TRHDE: variants seen among roughly 807,000 people sequenced by gnomAD.
TRHDE encodes thyrotropin releasing hormone degrading enzyme, also known as thyrotropin-releasing hormone-degrading ectoenzyme.
A neutral mutation model predicts 125.7 loss-of-function variants in TRHDE; 72 were observed. That is an observed-to-expected ratio of 0.57 (90% CI 0.47 to 0.70). TRHDE has a LOEUF of 0.70. TRHDE is among the 30% of genes least tolerant of loss of function. TRHDE has a pLI of 0.00. For missense variants in TRHDE, 1,110 were observed against 1,327.1 expected (o/e 0.84, Z 2.54); for synonymous variants, 509 against 509.1 (o/e 1.00, Z 0.00).
chr12:72,396,187 A>G (rs1379511497), intron 3 of TRHDE, among the ~76,000 whole-genome samples: 1 of 152,198 alleles, frequency 6.6e-6, no homozygotes, highest in Non-Finnish European at 1.5e-5. Flanking sequence ...AGGCTTCAAT[A>G]TACCCTGTTT....
At chr12:72,178,724 A>T (rs145595815) in intron 2 of TRHDE, among the ~76,000 whole-genome samples, 1 of 152,222 alleles carries the variant, frequency 6.6e-6, no homozygotes, top group East Asian at 1.9e-4. Flanking sequence ...ACTTTCTACT[A>T]CTTCTAATAC....
chr12:72,176,848 G>T (rs1241778958), intron 2 of TRHDE, among the ~76,000 whole-genome samples: 1 of 152,178 alleles, frequency 6.6e-6, no homozygotes, highest in African/African-American at 2.4e-5. Context: ...TGATACCAAG[G>T]TTGCTGTGGA....
rs540439068 is a variant in TRHDE, at chr12:72,637,799, T to C, written c.2676-14523T>C. Among the ~76,000 whole-genome samples, 53 of 152,200 alleles carry C rather than the reference T, an allele frequency of 3.5e-4. 1 individual carries two copies. In the South Asian group the frequency reaches 7.7e-3, roughly 22 times the overall value. ...TCAGGAGCAGGTTGTTCAGTTTCCATGTAGTTGAGTGGTTTTGAGTGAGAT... is the reference window on the plus strand; with the variant it reads ...TCAGGAGCAGGTTGTTCAGTTTCCACGTAGTTGAGTGGTTTTGAGTGAGAT... On this transcript the variant is annotated intron_variant, in intron 15 of 18. Transcript: ENST00000261180.
At chr12:72,353,439 A>G (rs1348644571) in intron 2 of TRHDE, among the ~76,000 whole-genome samples, 2 of 151,548 alleles carry the variant, frequency 1.3e-5, no homozygotes, top group Non-Finnish European at 3.0e-5. Context: ...AAATAAAAGT[A>G]AAAAATATAG....
chr12:72,272,630 G>C lies in TRHDE; in HGVS notation c.-14G>C. ...GGTGCCAGAGGGGGCGGGGGAGGAG[G>C]AGGAGGCGGTGTGATGGCCCTGGAC... On this transcript the variant is annotated 5_prime_UTR_variant, in exon 1 of 19. Coordinates refer to ENST00000261180, the MANE Select transcript of TRHDE (RefSeq NM_013381.3). The surrounding 1 kb of genome is among the most constrained non-coding windows in gnomAD (Gnocchi z 6.7). 2.1e-6 allele frequency: 2 copies of C among 953,148 alleles called. No homozygotes were observed. The highest frequency in any genetic ancestry group is 3.0e-6 in the Non-Finnish European group (2 of 669,250). 59.0% of individuals were successfully genotyped at this position (953,148 alleles called of 1,614,324 possible). A position where few individuals can be genotyped will look rare whatever the true frequency, so the allele number is the denominator to read the frequency against.
chr12:72,187,585 A>G (rs1185998946), intron 2 of TRHDE, among the ~76,000 whole-genome samples: 2 of 152,038 alleles, frequency 1.3e-5, no homozygotes, highest in Non-Finnish European at 1.5e-5. Context: ...CCCAAGAATC[A>G]GGAACACTGA....
chr12:72,285,154 C>T (rs866966647), intron 1 of TRHDE, among the ~76,000 whole-genome samples: 7 of 152,170 alleles, frequency 4.6e-5, no homozygotes, highest in African/African-American at 1.7e-4. Flanking sequence ...ATTTATACCT[C>T]ATGCTTTGAG....
At chr12:72,537,551 A>G (rs1310656393) in intron 6 of TRHDE, among the ~76,000 whole-genome samples, 1 of 152,090 alleles carries the variant, frequency 6.6e-6, no homozygotes, top group African/African-American at 2.4e-5. Flanking sequence ...CTGTGAGTCA[A>G]CTAAACCTCT....
intron 5 of TRHDE, among the ~76,000 whole-genome samples, chr12:72,478,415 AT>A (rs1876997346): frequency 6.6e-6 from 1 of 152,028 alleles, no homozygotes; most frequent in South Asian, 2.1e-4. Context: ...AGGCTATTTT[AT>A]TTTTACTCAA....
chr12:72,323,375 A>G (rs1419526621), intron 2 of TRHDE, among the ~76,000 whole-genome samples: 2 of 152,146 alleles, frequency 1.3e-5, no homozygotes, highest in Non-Finnish European at 2.9e-5. Flanking sequence ...GTTCCTTAGA[A>G]TGTGTTCCAA....
At chr12:72,538,741 A>G (rs1317019882) in intron 6 of TRHDE, among the ~76,000 whole-genome samples, 1 of 151,952 alleles carries the variant, frequency 6.6e-6, no homozygotes, top group Non-Finnish European at 1.5e-5. Flanking sequence ...TAATGTCATC[A>G]TCCACTCTAG....
intron 2 of TRHDE, among the ~76,000 whole-genome samples, chr12:72,175,772 A>G (rs1459548394): frequency 2.6e-5 from 4 of 152,240 alleles, no homozygotes; most frequent in Admixed American, 6.5e-5. Context: ...ATGAGTGTGA[A>G]TTATGAAGAT....
intron 1 of TRHDE, among the ~76,000 whole-genome samples, chr12:72,276,838 G>A (rs1039571335): frequency 1.3e-5 from 2 of 152,178 alleles, no homozygotes; most frequent in African/African-American, 4.8e-5. Flanking sequence ...TCAACTAGGT[G>A]TGCAGCAGGC....
intron 3 of TRHDE, among the ~76,000 whole-genome samples, chr12:72,409,792 A>G (rs1164007218): frequency 2.0e-5 from 3 of 152,212 alleles, no homozygotes; most frequent in African/African-American, 7.2e-5. Context: ...AATATAAATA[A>G]TATGAATTAC....
chr12:72,642,461 C>A (rs1383231246), intron 15 of TRHDE, among the ~76,000 whole-genome samples: 7 of 152,066 alleles, frequency 4.6e-5, no homozygotes, highest in Non-Finnish European at 1.0e-4. Flanking sequence ...ATGGAATAAA[C>A]TATCAAACAA....
chr12:72,192,268 A>G (rs35746434), intron 2 of TRHDE, among the ~76,000 whole-genome samples: 6,707 of 152,190 alleles, frequency 0.044, 211 homozygotes, highest in South Asian at 0.11. Flanking sequence ...CTGCATTTCT[A>G]TCAAGGTCCC....
chr12:72,459,187 C>T (rs546509095), intron 3 of TRHDE, among the ~76,000 whole-genome samples: 1 of 152,288 alleles, frequency 6.6e-6, no homozygotes, highest in East Asian at 1.9e-4. Flanking sequence ...CACTGACTCT[C>T]CTCCCATCTC....
chr12:72,201,971 C>T (rs1877568759), intron 2 of TRHDE, among the ~76,000 whole-genome samples: 1 of 152,102 alleles, frequency 6.6e-6, no homozygotes, highest in Admixed American at 6.6e-5. Context: ...TTTAGTAATT[C>T]CAGAACTCTG....
intron 12 of TRHDE, among the ~76,000 whole-genome samples, chr12:72,614,618 T>G (rs1260894196): frequency 6.6e-6 from 1 of 152,048 alleles, no homozygotes; most frequent in East Asian, 1.9e-4. Flanking sequence ...TAGGAGACTA[T>G]TTTTTGGCTT....
Sources: gnomAD v4.1 joint callset for allele counts (sites outside exome capture counted in the v4.1 genomes callset) on GRCh38, gnomAD v4.1.1 for gene constraint, Gnocchi (gnomAD v3.1) non-coding constraint, MANE v1.5 for transcripts, NCBI Gene and HGNC (gene_info 2026-07-23, HGNC 2026-07-21) for gene names.